Variants in KLHL1 observed in about 807,000 individuals in gnomAD.
The protein encoded by KLHL1 is kelch like family member 1.
KLHL1 carries 47 observed loss-of-function variants against 77.7 expected under a neutral mutation model. The ratio of observed to expected loss-of-function variants is 0.60; its 90% CI spans 0.48 to 0.77. KLHL1 has a LOEUF of 0.77. KLHL1 is among the 30% of genes least tolerant of loss of function. The pLI is 0.00. For missense variants in KLHL1, 925 were observed against 910.8 expected (o/e 1.02, Z -0.20); for synonymous variants, 360 against 325.2 (o/e 1.11, Z -1.15).
At chr13:69,911,204 A>G (rs1882226725) in intron 4 of KLHL1, among the ~76,000 whole-genome samples, 1 of 152,012 alleles carries the variant, frequency 6.6e-6, no homozygotes, top group African/African-American at 2.4e-5. Flanking sequence ...AATAGCTAAC[A>G]ATGAATTGAT....
chr13:69,788,157 C>T (rs1372407988), intron 7 of KLHL1, among the ~76,000 whole-genome samples: 28 of 152,138 alleles, frequency 1.8e-4, no homozygotes, highest in African/African-American at 6.5e-4. Flanking sequence ...CATCCCATTA[C>T]TGGGTATATA....
rs567908071 is a variant in KLHL1 at position 69,873,752 on chromosome 13, A to C, written c.1227+8531T>G. ...GTTCTGCATATGTATCCCAGAACTT[A>C]AAGTATATATATTTAAAAAAGTAAA... On this transcript the variant is annotated intron_variant, in intron 5 of 10. Transcript: ENST00000377844. Among the ~76,000 whole-genome samples the C allele has an allele frequency of 5.3e-5, 8 of 152,336 alleles. No homozygotes were observed. In the East Asian group the frequency reaches 1.5e-3, roughly 29 times the overall value.
rs1884522772 is a variant in KLHL1 at position 69,975,616 on chromosome 13, G to A, written c.680+4C>T. 6.2e-7 allele frequency: 1 copy of A among 1,611,910 alleles called. No homozygotes were observed. The highest frequency in any genetic ancestry group is 1.3e-5 in the African/African-American group (1 of 74,782). On this transcript the variant is annotated splice_donor_region_variant and intron_variant, in intron 2 of 10. Coordinates refer to ENST00000377844, the MANE Select transcript of KLHL1 (RefSeq NM_020866.3). ...ATGTTTCCAGTAGAGGCAGACTACT[G>A]TACCTATGTGCAGGTATCTTTCGGT...
intron 7 of KLHL1, among the ~76,000 whole-genome samples, chr13:69,775,016 T>C (rs1875757547): frequency 6.6e-6 from 1 of 152,180 alleles, no homozygotes; most frequent in Admixed American, 6.6e-5. Flanking sequence ...TTAATCTGTA[T>C]TAAATCTGAC....
intron 1 of KLHL1, among the ~76,000 whole-genome samples, chr13:70,085,818 C>T (rs368944568): frequency 5.3e-5 from 8 of 152,028 alleles, no homozygotes; most frequent in Admixed American, 3.9e-4. Context: ...GAGCCGAGAT[C>T]GCACCACTGC....
chr13:70,100,833 C>T (rs1887907135), intron 1 of KLHL1, among the ~76,000 whole-genome samples: 1 of 152,086 alleles, frequency 6.6e-6, no homozygotes, highest in Non-Finnish European at 1.5e-5. Context: ...CACAAACATA[C>T]CTAAAATTAT....
intron 8 of KLHL1, among the ~76,000 whole-genome samples, chr13:69,723,787 C>A (rs1873170381): frequency 1.3e-5 from 2 of 152,010 alleles, no homozygotes; most frequent in Non-Finnish European, 2.9e-5. Flanking sequence ...CTTATCATAA[C>A]CCAGACATTC....
rs912068566 is a variant in KLHL1, at chr13:69,858,290, A to C, written c.1228-19128T>G. Among the ~76,000 whole-genome samples, 3 of 152,124 alleles carry C rather than the reference A, an allele frequency of 2.0e-5. 1 individual carries two copies. Among genetic ancestry groups the C allele is most frequent in the Middle Eastern group, 6.8e-3 (2 of 294 alleles). On this transcript the variant is annotated intron_variant, in intron 5 of 10. Transcript: ENST00000377844. Reference sequence around the variant, plus strand: ...GGAGAAAGACTGGGGGTTGGGTGAGACTCCTTGAGAGAGGAGAGATAGACC... The same window carrying C: ...GGAGAAAGACTGGGGGTTGGGTGAGCCTCCTTGAGAGAGGAGAGATAGACC...
intron 5 of KLHL1, among the ~76,000 whole-genome samples, chr13:69,880,318 T>C (rs1880939826): frequency 6.6e-6 from 1 of 152,158 alleles, no homozygotes; most frequent in Non-Finnish European, 1.5e-5. Context: ...TGATAGCCCT[T>C]CTTTTATATG....
rs1323270710 is a variant in KLHL1 at position 69,700,976 on chromosome 13, TG to T, written c.*725del. ...TAATTACACTGCATCTTTGGCTCAG[TG>T]TGTTAAAAAAGCAAAGCAAAATGGT... On this transcript the variant is annotated 3_prime_UTR_variant, in exon 11 of 11. Transcript: ENST00000377844. 2.6e-5 allele frequency: 4 copies of T among 152,296 alleles called. No homozygotes were observed. The highest frequency in any genetic ancestry group is 5.9e-5 in the Non-Finnish European group (4 of 67,812). The allele number at this position is 152,296 out of a possible 1,614,324, so 9.4% of individuals were successfully genotyped here.
intron 5 of KLHL1, among the ~76,000 whole-genome samples, chr13:69,867,858 G>A (rs562359059): frequency 2.7e-5 from 3 of 110,702 alleles, no homozygotes; most frequent in South Asian, 7.3e-4. Context: ...GTTGTGGGGT[G>A]GGGGGAGGGG....
chr13:69,737,399 G>A (rs750432897), intron 8 of KLHL1, among the ~76,000 whole-genome samples: 27 of 152,362 alleles, frequency 1.8e-4, no homozygotes, highest in Non-Finnish European at 3.5e-4. Flanking sequence ...AAGTGGCCTC[G>A]CTCCCACGGA....
rs1384626868 is a variant in KLHL1 at position 69,960,253 on chromosome 13, C to A, written c.817+1055G>T. On this transcript the variant is annotated intron_variant, in intron 3 of 10. Transcript: ENST00000377844. ...TGTTTGGACTCCAGTGGCTGATCTTCACAATGTCACCTCTTGTTTTTCTGT... is the reference window on the plus strand; with the variant it reads ...TGTTTGGACTCCAGTGGCTGATCTTAACAATGTCACCTCTTGTTTTTCTGT... Among the ~76,000 whole-genome samples, 4 of 151,258 alleles carry A rather than the reference C, an allele frequency of 2.6e-5. No homozygotes were observed. In the East Asian group the frequency reaches 5.9e-4, roughly 22 times the overall value.
Position 69,735,026 on chromosome 13 carries a change from C to T in KLHL1, c.1802+5368G>A, listed in dbSNP as rs539262686. On this transcript the variant is annotated intron_variant, in intron 8 of 10. Coordinates refer to ENST00000377844, the MANE Select transcript of KLHL1 (RefSeq NM_020866.3). ...AAAGTCATAGCTGGAATATGGAATG[C>T]AAAAATTAAAGAATTAATGCAATAT... Among the ~76,000 whole-genome samples the T allele has an allele frequency of 4.6e-5, 7 of 151,954 alleles. No homozygotes were observed. The East Asian group carries it at 9.7e-4, about 21-fold the overall frequency.
intron 1 of KLHL1, among the ~76,000 whole-genome samples, chr13:69,988,305 C>T (rs80219628): frequency 0.16 from 23,654 of 151,974 alleles, 3,904 homozygotes; most frequent in African/African-American, 0.42. Context: ...CATTCTTTTT[C>T]ATGGTTGCAT....
At chr13:69,959,277 A>G (rs1426555950) in intron 3 of KLHL1, among the ~76,000 whole-genome samples, 3 of 152,136 alleles carry the variant, frequency 2.0e-5, no homozygotes, top group East Asian at 3.9e-4. Flanking sequence ...CTGCCAGACC[A>G]TGGAGCCTGG....
intron 6 of KLHL1, among the ~76,000 whole-genome samples, chr13:69,832,521 T>G (rs1403987637): frequency 6.7e-6 from 1 of 149,792 alleles, no homozygotes; most frequent in Non-Finnish European, 1.5e-5. Flanking sequence ...ATAATCATAC[T>G]GCCAAAAGCA....
chr13:69,888,922 T>C (rs1223293847), intron 4 of KLHL1, among the ~76,000 whole-genome samples: 1 of 151,990 alleles, frequency 6.6e-6, no homozygotes, highest in East Asian at 1.9e-4. Context: ...TTTTATAGAG[T>C]AATTCCCTTA....
intron 4 of KLHL1, among the ~76,000 whole-genome samples, chr13:69,885,898 A>G (rs76514715): frequency 0.011 from 1,651 of 152,318 alleles, 13 homozygotes; most frequent in Middle Eastern, 0.044. Flanking sequence ...AAAATATTAG[A>G]AAGGAGTTTA....
Sources: gnomAD v4.1 joint callset for allele counts (sites outside exome capture counted in the v4.1 genomes callset) on GRCh38, gnomAD v4.1.1 for gene constraint, MANE v1.5 for transcripts, NCBI Gene and HGNC (gene_info 2026-07-23, HGNC 2026-07-21) for gene names.